Variants in TIE1 observed in about 807,000 individuals in gnomAD.
The protein encoded by TIE1 is tyrosine-protein kinase receptor Tie-1.
A neutral mutation model predicts 130.5 loss-of-function variants in TIE1; 89 were observed. The observed-to-expected ratio is 0.68, with a 90% confidence interval of 0.57 to 0.81. The LOEUF (loss-of-function observed/expected upper bound fraction) is 0.81. Among genes scored for constraint, TIE1 ranks in the 40% least tolerant of loss-of-function variants. The probability of loss-of-function intolerance (pLI) is 0.00; values close to 1 mark genes in which losing one functional copy is unlikely to be tolerated. For synonymous variants in TIE1, 568 were observed against 629.4 expected (o/e 0.90, Z 1.46); for missense variants, 1,392 against 1,559.8 (o/e 0.89, Z 1.81).
rs1570430519 is a variant in TIE1, at chr1:43,305,338, G to A, written c.479G>A (p.Ser160Asn). 1 of 1,497,094 alleles carries A rather than the reference G, an allele frequency of 6.7e-7. No individual in the cohort carries two copies. Among genetic ancestry groups the A allele is most frequent in the East Asian group, 2.5e-5 (1 of 39,926 alleles). 92.7% of individuals were successfully genotyped at this position (1,497,094 alleles called of 1,614,324 possible). A position where few individuals can be genotyped will look rare whatever the true frequency, so the allele number is the denominator to read the frequency against. The change falls in exon 3 of 23, where the codon AGC (serine) becomes AAC (asparagine). Residue 160 changes from serine (S) to asparagine (N), a missense_variant. Ser to Asn is a conservative substitution (Grantham distance 46). Around this residue, in one of 6 missense-constraint regions of TIE1, gnomAD observed 415 missense variants for 424.8 expected, o/e 0.98. Coordinates refer to ENST00000372476, the MANE Select transcript of TIE1 (RefSeq NM_005424.5). ...KEKQTDVIWK[S>N]NGSYFYTLDW... Reference sequence around the variant, plus strand: ...AAGCAGACAGACGTGATCTGGAAGAGCAACGGTAAAGAGGGGCATTTGAAC... The same window carrying A: ...AAGCAGACAGACGTGATCTGGAAGAACAACGGTAAAGAGGGGCATTTGAAC...
Position 43,313,505 on chromosome 1 carries a change from A to G in TIE1, c.2218+80A>G. ...ACGCTCTCCTTCCACATCACCCCCT[A>G]CTGTGGAGCTAGGGCATCCCAGGCC... On this transcript the variant is annotated intron_variant, in intron 13 of 22. Coordinates refer to ENST00000372476, the MANE Select transcript of TIE1 (RefSeq NM_005424.5). This position sits in a 1 kb window ranked among gnomAD's most constrained non-coding sequence, Gnocchi z 6.2. 6.5e-7 allele frequency: 1 copy of G among 1,526,804 alleles called. No homozygotes were observed. Among genetic ancestry groups the G allele is most frequent in the Non-Finnish European group, 8.9e-7 (1 of 1,119,346 alleles). The allele number at this position is 1,526,804 out of a possible 1,614,324, so 94.6% of individuals were successfully genotyped here.
rs553600128 is a variant in TIE1 at position 43,312,145 on chromosome 1, A to G, written c.1630+14A>G. 2.6e-5 allele frequency: 39 copies of G among 1,524,170 alleles called. No individual in the cohort carries two copies. The Admixed American group carries it at 6.9e-4, about 27-fold the overall frequency. The allele number at this position is 1,524,170 out of a possible 1,614,324, so 94.4% of individuals were successfully genotyped here. The stretch of plus-strand genomic sequence containing the variant: ...CAGACTGTCCTGGTGAGAGGCCAAG[A>G]GTCATCCCTTCCTGTCCCCCCAAGG... On this transcript the variant is annotated intron_variant, in intron 11 of 22. Coordinates refer to ENST00000372476, the MANE Select transcript of TIE1 (RefSeq NM_005424.5). This position sits in a 1 kb window ranked among gnomAD's most constrained non-coding sequence, Gnocchi z 5.6.
rs913635867 is a variant in TIE1, at chr1:43,319,572, G to A, written c.3107+43G>A. On this transcript the variant is annotated intron_variant, in intron 19 of 22. Transcript: ENST00000372476. This position sits in a 1 kb window ranked among gnomAD's most constrained non-coding sequence, Gnocchi z 4.7. ...GGGCACAGGAGGGCTTGGCCCCCAA[G>A]AATCACCCAGGCCTGACCTAGACAT... 3 of 1,589,570 alleles carry A rather than the reference G, an allele frequency of 1.9e-6. No individual in the cohort carries two copies. Among genetic ancestry groups the A allele is most frequent in the Non-Finnish European group, 1.7e-6 (2 of 1,157,786 alleles).
At chr1:43,308,374 G>A (rs1646751941) in intron 7 of TIE1, among the ~76,000 whole-genome samples, 1 of 152,112 alleles carries the variant, frequency 6.6e-6, no homozygotes, top group African/African-American at 2.4e-5. Context: ...GGGGACTCAG[G>A]TTTGGGTGCC....
Position 43,312,267 on chromosome 1 carries a change from C to A in TIE1, c.1631-38C>A. On this transcript the variant is annotated intron_variant, in intron 11 of 22. Transcript: ENST00000372476. This position sits in a 1 kb window ranked among gnomAD's most constrained non-coding sequence, Gnocchi z 5.6. The stretch of plus-strand genomic sequence containing the variant: ...TCATTGTCCTGTCCAGCCCCAAGTA[C>A]CTACTGGACAGTTCTGACCCCTGAC... 6.6e-7 allele frequency: 1 copy of A among 1,514,764 alleles called. No individual in the cohort carries two copies. Among genetic ancestry groups the A allele is most frequent in the Non-Finnish European group, 8.8e-7 (1 of 1,131,070 alleles). The allele number at this position is 1,514,764 out of a possible 1,614,324, so 93.8% of individuals were successfully genotyped here. A position where few individuals can be genotyped will look rare whatever the true frequency, so the allele number is the denominator to read the frequency against.
At position 43,319,595 on chromosome 1, in the gene TIE1, C is replaced by T; in HGVS notation, c.3107+66C>T. The T allele has an allele frequency of 6.7e-7, 1 of 1,503,730 alleles. No individual in the cohort carries two copies. The highest frequency in any genetic ancestry group is 2.3e-5 in the East Asian group (1 of 44,334). The allele number at this position is 1,503,730 out of a possible 1,614,324, so 93.1% of individuals were successfully genotyped here. A position where few individuals can be genotyped will look rare whatever the true frequency, so the allele number is the denominator to read the frequency against. On this transcript the variant is annotated intron_variant, in intron 19 of 22. Coordinates refer to ENST00000372476, the MANE Select transcript of TIE1 (RefSeq NM_005424.5). The surrounding 1 kb of genome is among the most constrained non-coding windows in gnomAD (Gnocchi z 4.7). ...AAGAATCACCCAGGCCTGACCTAGA[C>T]ATATCTCAGAAATGTCATAGGTGGT...
At chr1:43,308,407 A>G (rs1433028306) in intron 7 of TIE1, among the ~76,000 whole-genome samples, 1 of 146,694 alleles carries the variant, frequency 6.8e-6, no homozygotes, top group African/African-American at 2.7e-5. Context: ...TAGGGGACCC[A>G]GGGATTGGGG....
rs1277633662 is a variant in TIE1, at chr1:43,301,056, G to A, written c.-16G>A. 2 of 1,613,528 alleles carry A rather than the reference G, an allele frequency of 1.2e-6. No individual in the cohort carries two copies. Among genetic ancestry groups the A allele is most frequent in the Non-Finnish European group, 1.7e-6 (2 of 1,179,748 alleles). ...GGCCCAGCTCGTCCTGGCTGGCCTG[G>A]GTCGGCCTCTGGAGTATGGTCTGGC... On this transcript the variant is annotated 5_prime_UTR_variant, in exon 1 of 23. Coordinates refer to ENST00000372476, the MANE Select transcript of TIE1 (RefSeq NM_005424.5).
chr1:43,309,598 C>T lies in TIE1; in HGVS notation c.1333+66C>T, dbSNP rs1275704871. ...AGAGTAGGCTCTAGATGATGCTGCT[C>T]AGGCTGGAGATACTAGCAGGAAGGA... On this transcript the variant is annotated intron_variant, in intron 9 of 22. Transcript: ENST00000372476. The surrounding 1 kb of genome is among the most constrained non-coding windows in gnomAD (Gnocchi z 6.3). 9 of 1,500,198 alleles carry T rather than the reference C, an allele frequency of 6.0e-6. No individual in the cohort carries two copies. Among genetic ancestry groups the T allele is most frequent in the Middle Eastern group, 1.8e-4 (1 of 5,574 alleles). 92.9% of individuals were successfully genotyped at this position (1,500,198 alleles called of 1,614,324 possible).
rs759970334 is a variant in TIE1 at position 43,322,271 on chromosome 1, A to G, written c.3346-380A>G. On this transcript the variant is annotated intron_variant, in intron 22 of 22. Coordinates refer to ENST00000372476, the MANE Select transcript of TIE1 (RefSeq NM_005424.5). This position sits in a 1 kb window ranked among gnomAD's most constrained non-coding sequence, Gnocchi z 4.0. ...ATTAGTAAATATGAAGAGTTCTTCAAGTAAATTAATGATTAAATAACCATC... is the reference window on the plus strand; with the variant it reads ...ATTAGTAAATATGAAGAGTTCTTCAGGTAAATTAATGATTAAATAACCATC... Among the ~76,000 whole-genome samples, 1 of 152,282 alleles carries G rather than the reference A, an allele frequency of 6.6e-6. No homozygotes were observed. The highest frequency in any genetic ancestry group is 1.5e-5 in the Non-Finnish European group (1 of 68,052).
Position 43,306,407 on chromosome 1 carries a change from T to C in TIE1, c.485-433T>C, listed in dbSNP as rs376259110. 5.9e-5 allele frequency among the ~76,000 whole-genome samples: 9 copies of C among 152,302 alleles called. No individual in the cohort carries two copies. The South Asian group carries it at 1.9e-3, about 32-fold the overall frequency. ...AAATGATGTCTAAGGAGCTGGATTT[T>C]TGTCCTGAGGTCACTGGAGAACCAG... On this transcript the variant is annotated intron_variant, in intron 3 of 22. Transcript: ENST00000372476. The surrounding 1 kb of genome is among the most constrained non-coding windows in gnomAD (Gnocchi z 4.9).
Position 43,321,443 on chromosome 1 carries a change from C to T in TIE1, c.3196C>T (p.Leu1066=), listed in dbSNP as rs1646918684. The change falls in exon 21 of 23, where the codon CTG becomes TTG. Residue 1066 remains leucine, a synonymous_variant. Coordinates refer to ENST00000372476, the MANE Select transcript of TIE1 (RefSeq NM_005424.5). ...GACCTGTGCCGAGCTCTATGAAAAG[C>T]TGCCCCAGGGCTACCGCATGGAGCA... is the stretch of plus-strand genomic sequence containing the variant. The part of the protein sequence containing the change: ...GMTCAELYEK[L]PQGYRMEQPR... 1.9e-6 allele frequency: 3 copies of T among 1,614,096 alleles called. No individual in the cohort carries two copies. The highest frequency in any genetic ancestry group is 1.7e-6 in the Non-Finnish European group (2 of 1,179,986).
intron 9 of TIE1, among the ~76,000 whole-genome samples, chr1:43,310,262 A>G (rs1557445677): frequency 6.6e-6 from 1 of 151,740 alleles, no homozygotes; most frequent in African/African-American, 2.4e-5. Context: ...ATCAAGCCTC[A>G]CCTTCCGCCT....
In TIE1 at chr1:43,312,343, G is replaced by C. The variant is rs1646805604; in HGVS notation, c.1669G>C (p.Glu557Gln). 14 of 1,566,302 alleles carry C rather than the reference G, an allele frequency of 8.9e-6. No individual in the cohort carries two copies. Among genetic ancestry groups the C allele is most frequent in the Non-Finnish European group, 1.2e-5 (14 of 1,154,142 alleles). The part of the protein sequence containing the change: ...LQPWLEGWHV[E>Q]GTDRLRVSWS... ...GCCGTGGTTGGAGGGCTGGCATGTG[G>C]AAGGCACTGACCGGCTGCGAGTGAG... Residue 557 changes from glutamate (E) to glutamine (Q), a missense_variant, in exon 12 of 23, where the codon GAA becomes CAA. Glu to Gln is a conservative substitution (Grantham distance 29). Around this residue, in one of 6 missense-constraint regions of TIE1, gnomAD observed 551 missense variants for 565.5 expected, o/e 0.97. Coordinates refer to ENST00000372476, the MANE Select transcript of TIE1 (RefSeq NM_005424.5). This position sits in a 1 kb window ranked among gnomAD's most constrained non-coding sequence, Gnocchi z 5.6.
Position 43,309,322 on chromosome 1 carries a change from C to A in TIE1, c.1189-66C>A. On this transcript the variant is annotated intron_variant, in intron 8 of 22. Coordinates refer to ENST00000372476, the MANE Select transcript of TIE1 (RefSeq NM_005424.5). The surrounding 1 kb of genome is among the most constrained non-coding windows in gnomAD (Gnocchi z 6.3). ...CTGTCCTGCCATCAGTCCAGACGGACACCTGGGTGCCTGCCACAGAGGTGC... is the reference window on the plus strand; with the variant it reads ...CTGTCCTGCCATCAGTCCAGACGGAAACCTGGGTGCCTGCCACAGAGGTGC... 1 of 1,534,238 alleles carries A rather than the reference C, an allele frequency of 6.5e-7. No individual in the cohort carries two copies. The highest frequency in any genetic ancestry group is 8.7e-7 in the Non-Finnish European group (1 of 1,143,498).
In TIE1 at chr1:43,309,335, G is replaced by A; in HGVS notation, c.1189-53G>A. ...AGTCCAGACGGACACCTGGGTGCCT[G>A]CCACAGAGGTGCCCGTTCCCTGTGA... On this transcript the variant is annotated intron_variant, in intron 8 of 22. Coordinates refer to ENST00000372476, the MANE Select transcript of TIE1 (RefSeq NM_005424.5). This position sits in a 1 kb window ranked among gnomAD's most constrained non-coding sequence, Gnocchi z 6.3. 6.5e-7 allele frequency: 1 copy of A among 1,536,418 alleles called. No homozygotes were observed. The highest frequency in any genetic ancestry group is 1.3e-5 in the South Asian group (1 of 76,976).
rs766481857 is a variant in TIE1 at position 43,306,953 on chromosome 1, G to A, written c.598G>A (p.Ala200Thr). ...SGIYSATYLE[A>T]SPLGSAFFRL... is the part of the protein sequence containing the mutation. The stretch of plus-strand genomic sequence containing the variant: ...CATCTACAGTGCCACTTACCTGGAA[G>A]CCAGCCCCCTGGGCAGCGCCTTCTT... The change falls in exon 4 of 23, where the codon GCC becomes ACC. Residue 200 changes from alanine to threonine, a missense_variant. By Grantham distance (58) the Ala-to-Thr change is moderately conservative. Coordinates refer to ENST00000372476, the MANE Select transcript of TIE1 (RefSeq NM_005424.5). The surrounding 1 kb of genome is among the most constrained non-coding windows in gnomAD (Gnocchi z 4.9). 1.9e-6 allele frequency: 3 copies of A among 1,613,886 alleles called. No individual in the cohort carries two copies. Among genetic ancestry groups the A allele is most frequent in the African/African-American group, 2.7e-5 (2 of 74,928 alleles).
Position 43,317,489 on chromosome 1 carries a change from G to A in TIE1, c.2621-75G>A. On this transcript the variant is annotated intron_variant, in intron 15 of 22. Transcript: ENST00000372476. The surrounding 1 kb of genome is among the most constrained non-coding windows in gnomAD (Gnocchi z 5.1). Reference sequence around the variant, plus strand: ...CCCAGGCCCCACCTGGCTTCCTCCAGCAATTGACCCCAGCCCTTGCCAGCC... The same window carrying A: ...CCCAGGCCCCACCTGGCTTCCTCCAACAATTGACCCCAGCCCTTGCCAGCC... 6.2e-7 allele frequency: 1 copy of A among 1,609,158 alleles called. No individual in the cohort carries two copies. The highest frequency in any genetic ancestry group is 8.5e-7 in the Non-Finnish European group (1 of 1,175,532).
chr1:43,309,021 C>T lies in TIE1; in HGVS notation c.1078C>T (p.Leu360=). 1 of 1,614,058 alleles carries T rather than the reference C, an allele frequency of 6.2e-7. No individual in the cohort carries two copies. The highest frequency in any genetic ancestry group is 8.5e-7 in the Non-Finnish European group (1 of 1,179,976). ...CCAGATCCTCAACATGGCCTCAGAACTGGAGTTCAACTTAGAGACGATGCC... is the reference window on the plus strand; with the variant it reads ...CCAGATCCTCAACATGGCCTCAGAATTGGAGTTCAACTTAGAGACGATGCC... ...IPQILNMASE[L]EFNLETMPRI... is the part of the protein sequence containing the mutation. The change falls in exon 8 of 23, where the codon CTG becomes TTG. Residue 360 remains leucine, a synonymous_variant. Coordinates refer to ENST00000372476, the MANE Select transcript of TIE1 (RefSeq NM_005424.5). This position sits in a 1 kb window ranked among gnomAD's most constrained non-coding sequence, Gnocchi z 6.3.
Sources: allele counts gnomAD v4.1 joint callset (sites outside exome capture counted in the v4.1 genomes callset), GRCh38; gene constraint gnomAD v4.1.1; regional missense constraint gnomAD v4.1.1; non-coding constraint Gnocchi (gnomAD v3.1); transcripts MANE v1.5; gene names NCBI Gene and HGNC (gene_info 2026-07-23, HGNC 2026-07-21).